The following CAMK1D variants were observed in gnomAD, a reference collection of about 807,000 sequenced individuals.
CAMK1D encodes calcium/calmodulin-dependent protein kinase type 1D.
CAMK1D carries 9 observed loss-of-function variants against 47.7 expected under a neutral mutation model. That is an observed-to-expected ratio of 0.19 (90% CI 0.11 to 0.33). The LOEUF is 0.33. Among genes scored for constraint, CAMK1D ranks in the 10% least tolerant of loss-of-function variants. The probability of loss-of-function intolerance (pLI) is 1.00; values close to 1 mark genes in which losing one functional copy is unlikely to be tolerated. For missense variants in CAMK1D, 291 were observed against 488.7 expected, an observed-to-expected ratio of 0.60 and a Z score of 3.81; for synonymous variants, 184 against 184.9, an observed-to-expected ratio of 0.99 and a Z score of 0.04.
chr10:12,579,034 G>A (rs1837582222), intron 2 of CAMK1D, among the ~76,000 whole-genome samples: 1 of 152,130 alleles, frequency 6.6e-6, no homozygotes, highest in Non-Finnish European at 1.5e-5. Flanking sequence ...AAGGGCATAG[G>A]GAAGTGTGTC....
At chr10:12,706,993 CTG>C (rs929988370) in intron 3 of CAMK1D, among the ~76,000 whole-genome samples, 9 of 152,114 alleles carry the variant, frequency 5.9e-5, no homozygotes, top group African/African-American at 2.2e-4. Context: ...GACGGACAAA[CTG>C]TGCGGTTTGG....
At chr10:12,474,024 T>C (rs1833826718) in intron 1 of CAMK1D, among the ~76,000 whole-genome samples, 1 of 152,142 alleles carries the variant, frequency 6.6e-6, no homozygotes, top group Non-Finnish European at 1.5e-5. Flanking sequence ...TTAAGTCATA[T>C]GTTGACAGGA....
intron 3 of CAMK1D, among the ~76,000 whole-genome samples, chr10:12,734,346 ATATATATATAT>A (rs1392426793): frequency 2.2e-4 from 1 of 4,572 alleles, no homozygotes; most frequent in African/African-American, 4.5e-4. Context: ...AAAAAAAAAA[ATATATATATAT>A]ATATATATAT....
chr10:12,521,701 A>G (rs1436015000), intron 1 of CAMK1D, among the ~76,000 whole-genome samples: 1 of 152,170 alleles, frequency 6.6e-6, no homozygotes, highest in Non-Finnish European at 1.5e-5. Flanking sequence ...ATAACCATCC[A>G]AGTATAATGT....
intron 3 of CAMK1D, among the ~76,000 whole-genome samples, chr10:12,733,349 A>G (rs1008029346): frequency 6.6e-6 from 1 of 152,184 alleles, no homozygotes; most frequent in Admixed American, 6.5e-5. Flanking sequence ...TTTAAGAGAA[A>G]AATTGCAGAA....
chr10:12,758,179 C>T (rs144115669), intron 3 of CAMK1D, among the ~76,000 whole-genome samples: 1 of 152,044 alleles, frequency 6.6e-6, no homozygotes, highest in South Asian at 2.1e-4. Context: ...TAAACCTAAT[C>T]ACCTCCCAAA....
chr10:12,391,595 C>A (rs558583377), intron 1 of CAMK1D, among the ~76,000 whole-genome samples: 14 of 152,062 alleles, frequency 9.2e-5, no homozygotes, highest in Non-Finnish European at 1.8e-4. Context: ...AAAATATTCC[C>A]TTTCGGGAGG....
At chr10:12,480,606 C>G (rs1834036765) in intron 1 of CAMK1D, among the ~76,000 whole-genome samples, 1 of 152,086 alleles carries the variant, frequency 6.6e-6, no homozygotes, top group South Asian at 2.1e-4. Context: ...TCACAATAAC[C>G]TCGTGGGGTG....
At chr10:12,539,197 A>G (rs536042768) in intron 1 of CAMK1D, among the ~76,000 whole-genome samples, 1 of 152,268 alleles carries the variant, frequency 6.6e-6, no homozygotes, top group South Asian at 2.1e-4. Flanking sequence ...TTTTTTTAAC[A>G]CAGACACAGC....
At chr10:12,607,608 G>T (rs910344812) in intron 2 of CAMK1D, among the ~76,000 whole-genome samples, 1 of 152,174 alleles carries the variant, frequency 6.6e-6, no homozygotes, top group African/African-American at 2.4e-5. Flanking sequence ...CAACTTTGAA[G>T]ATGGTTCAAA....
chr10:12,497,727 C>G, intron 1 of CAMK1D, among the ~76,000 whole-genome samples: 1 of 151,814 alleles, frequency 6.6e-6, no homozygotes, highest in East Asian at 1.9e-4. Flanking sequence ...TTGGAAGCAG[C>G]AAGAAAGTGC....
intron 2 of CAMK1D, among the ~76,000 whole-genome samples, chr10:12,584,463 T>C (rs915192508): frequency 4.6e-5 from 7 of 152,216 alleles, no homozygotes; most frequent in African/African-American, 1.7e-4. Flanking sequence ...TCTCAGACTT[T>C]ATAACAACAC....
intron 1 of CAMK1D, among the ~76,000 whole-genome samples, chr10:12,372,902 A>G (rs1838045551): frequency 6.6e-6 from 1 of 152,174 alleles, no homozygotes; most frequent in Non-Finnish European, 1.5e-5. Context: ...AAGTGCTGGG[A>G]TTATAGGCGT....
At chr10:12,386,451 AC>A (rs1426228294) in intron 1 of CAMK1D, among the ~76,000 whole-genome samples, 2 of 152,090 alleles carry the variant, frequency 1.3e-5, no homozygotes, top group African/African-American at 2.4e-5. Flanking sequence ...CTCAAAAAAA[AC>A]AAAACCAAAA....
rs1833276963 is a variant in CAMK1D at position 12,827,460 on chromosome 10, CT to C, written c.1040-1306del. Among the ~76,000 whole-genome samples, 4 of 20,740 alleles carry C rather than the reference CT, an allele frequency of 1.9e-4. 1 individual carries two copies. Among genetic ancestry groups the C allele is most frequent in the African/African-American group, 4.7e-4 (3 of 6,326 alleles). The allele number at this position is 20,740 out of a possible 152,430, so 13.6% of individuals were successfully genotyped here. On this transcript the variant is annotated intron_variant, in intron 10 of 10. Coordinates refer to ENST00000619168, the MANE Select transcript of CAMK1D (RefSeq NM_153498.4). The stretch of plus-strand genomic sequence containing the variant: ...CCTTCTTTCTTTCTTTCTTTTCTTT[CT>C]TTGTCTGTCTGTCTTTCTTTCTTTC...
chr10:12,717,606 C>T (rs1051902451), intron 3 of CAMK1D, among the ~76,000 whole-genome samples: 1 of 151,628 alleles, frequency 6.6e-6, no homozygotes, highest in African/African-American at 2.4e-5. Context: ...AAAAAAATAG[C>T]CAGGTTTACT....
intron 1 of CAMK1D, among the ~76,000 whole-genome samples, chr10:12,355,004 G>A (rs564347093): frequency 9.2e-5 from 14 of 151,848 alleles, no homozygotes; most frequent in African/African-American, 3.4e-4. Context: ...ACCATGCCTG[G>A]CTAACTTTTT....
chr10:12,804,328 T>C (rs1838618091), intron 6 of CAMK1D, among the ~76,000 whole-genome samples: 1 of 152,140 alleles, frequency 6.6e-6, no homozygotes, highest in Non-Finnish European at 1.5e-5. Context: ...TTAAATAGTA[T>C]CGAGGCCAGG....
At chr10:12,362,552 C>T (rs1007984442) in intron 1 of CAMK1D, among the ~76,000 whole-genome samples, 2 of 152,188 alleles carry the variant, frequency 1.3e-5, no homozygotes, top group African/African-American at 2.4e-5. Context: ...GGCTGGAGTG[C>T]AGTGGCGCCA....
Sources: gnomAD v4.1 joint callset for allele counts (sites outside exome capture counted in the v4.1 genomes callset) on GRCh38, gnomAD v4.1.1 for gene constraint, MANE v1.5 for transcripts, NCBI Gene and HGNC (gene_info 2026-07-23, HGNC 2026-07-21) for gene names.